The following ECPAS variants were observed in gnomAD, a reference collection of about 807,000 sequenced individuals.
The protein encoded by ECPAS is proteasome adapter and scaffold protein ECM29.
Under a neutral mutation model 255.1 loss-of-function variants are expected in ECPAS, and 70 were observed. That is an observed-to-expected ratio of 0.27 (90% confidence interval 0.23 to 0.33). The LOEUF is 0.33. ECPAS is among the 10% of genes least tolerant of loss of function. ECPAS has a pLI of 1.00. For missense variants in ECPAS, 1,817 were observed against 2,206.4 expected (o/e 0.82, Z 3.54); for synonymous variants, 784 against 775.0 (o/e 1.01, Z -0.19).
Position 111,371,701 on chromosome 9 carries a change from T to C in ECPAS, c.4657A>G (p.Ser1553Gly). 1 of 1,613,916 alleles carries C rather than the reference T, an allele frequency of 6.2e-7. No homozygotes were observed. The highest frequency in any genetic ancestry group is 8.5e-7 in the Non-Finnish European group (1 of 1,179,826). ...CCGAGATATGGAGGTACTAGAGAGC[T>C]AGTCTGTTTTGCAATTGATGCCATG... ...IAMASIAKQTSSLVPPYLGMI... is the reference protein window; with the variant it reads ...IAMASIAKQTGSLVPPYLGMI... Residue 1553 changes from serine (S) to glycine (G), a missense_variant, in exon 43 of 50, where the codon AGC becomes GGC. This residue lies in a region of ECPAS where 960 missense variants were observed against 1,179.0 expected (regional missense o/e 0.81). Coordinates refer to ENST00000684092, the MANE Select transcript of ECPAS (RefSeq NM_001364929.1).
intron 2 of ECPAS, among the ~76,000 whole-genome samples, chr9:111,454,662 GAAGA>G (rs1447712547): frequency 6.6e-6 from 1 of 151,208 alleles, no homozygotes; most frequent in African/African-American, 2.4e-5. Context: ...TCACAAAAAA[GAAGA>G]AAGGTCAACA....
chr9:111,374,168 T>A, intron 38 of ECPAS, 130 bp from the exon 39 acceptor site: 2 of 605,960 alleles, frequency 3.3e-6, no homozygotes, highest in South Asian at 2.6e-5. Context: ...CAGGACTCAA[T>A]ATAGAAAAAG....
chr9:111,365,227 G>T (rs1005292370), intron 48 of ECPAS, among the ~76,000 whole-genome samples: 1 of 151,808 alleles, frequency 6.6e-6, no homozygotes, highest in Admixed American at 6.6e-5. Context: ...CCAAGATCAC[G>T]CCACTGCACT....
intron 2 of ECPAS, among the ~76,000 whole-genome samples, chr9:111,472,177 G>A (rs1431211442): frequency 6.6e-6 from 1 of 152,088 alleles, no homozygotes; most frequent in Admixed American, 6.5e-5. Context: ...GAGCCCAGGA[G>A]ATCAAGGTGG....
At chr9:111,459,388 G>T (rs921583995) in intron 2 of ECPAS, among the ~76,000 whole-genome samples, 4 of 151,938 alleles carry the variant, frequency 2.6e-5, no homozygotes, top group Non-Finnish European at 5.9e-5. Flanking sequence ...ATCATATTTG[G>T]CTAATTTTAC....
At chr9:111,419,493 T>G (rs1029267612) in intron 16 of ECPAS, among the ~76,000 whole-genome samples, 1 of 152,014 alleles carries the variant, frequency 6.6e-6, no homozygotes, top group Non-Finnish European at 1.5e-5. Context: ...TCAAAACCAT[T>G]TAAACATTCT....
intron 26 of ECPAS, 111 bp from the exon 27 acceptor site, chr9:111,393,845 C>A (rs2098163837): frequency 1.2e-6 from 1 of 821,202 alleles, no homozygotes; most frequent in Non-Finnish European, 2.0e-6. Flanking sequence ...AAGCCAGTTA[C>A]AATCGCTGTT....
chr9:111,396,945 T>C, intron 25 of ECPAS, 85 bp downstream of exon 25: 1 of 1,485,554 alleles, frequency 6.7e-7, no homozygotes, highest in South Asian at 1.1e-5. Context: ...ATATGGAATG[T>C]GTAATGTTTT....
At chr9:111,378,181 C>T (rs1022743806) in intron 36 of ECPAS, among the ~76,000 whole-genome samples, 2 of 147,818 alleles carry the variant, frequency 1.4e-5, no homozygotes, top group African/African-American at 5.2e-5. Flanking sequence ...ATAAAAATGA[C>T]CCTGATCAGA....
chr9:111,365,253 G>C (rs1189078419), intron 48 of ECPAS, among the ~76,000 whole-genome samples: 5 of 151,658 alleles, frequency 3.3e-5, no homozygotes, highest in Non-Finnish European at 7.4e-5. Context: ...CTGGGTGACA[G>C]AGCAAGACCC....
chr9:111,433,914 T>C (rs2098233821), intron 7 of ECPAS, among the ~76,000 whole-genome samples: 1 of 152,354 alleles, frequency 6.6e-6, no homozygotes, highest in South Asian at 2.1e-4. Context: ...AGCTACTCAA[T>C]GCAAGTGAAA....
At chr9:111,375,407 AAAAC>A (rs1333663386) in intron 37 of ECPAS, among the ~76,000 whole-genome samples, 1 of 152,216 alleles carries the variant, frequency 6.6e-6, no homozygotes, top group Non-Finnish European at 1.5e-5. Context: ...TTCAACACTA[AAAAC>A]AAACAAAAAA....
intron 24 of ECPAS, among the ~76,000 whole-genome samples, chr9:111,405,319 C>G (rs751578238): frequency 1.3e-5 from 2 of 149,698 alleles, no homozygotes; most frequent in Non-Finnish European, 2.9e-5. Flanking sequence ...GAGGAAGGAA[C>G]AGTCTCTTCA....
intron 7 of ECPAS, among the ~76,000 whole-genome samples, chr9:111,433,732 T>C (rs2098233551): frequency 6.6e-6 from 1 of 152,202 alleles, no homozygotes; most frequent in Admixed American, 6.5e-5. Context: ...ACAGCCTCTC[T>C]AGAGTGATGA....
chr9:111,427,861 A>T (rs1470107483), intron 10 of ECPAS, among the ~76,000 whole-genome samples, 181 bp downstream of exon 10: 2 of 152,158 alleles, frequency 1.3e-5, no homozygotes, highest in Non-Finnish European at 2.9e-5. Flanking sequence ...ACCTATATAT[A>T]TTTTCTGATA....
In ECPAS at chr9:111,436,967, G is replaced by T; in HGVS notation, c.681C>A (p.Asn227Lys). 1 of 1,611,622 alleles carries T rather than the reference G, an allele frequency of 6.2e-7. No homozygotes were observed. The change falls in exon 7 of 50, where the codon AAC (asparagine) becomes AAA (lysine). Residue 227 changes from asparagine (N) to lysine (K), a missense_variant. Around this residue, in one of 4 missense-constraint regions of ECPAS, gnomAD observed 573 missense variants for 716.2 expected, o/e 0.80. Coordinates refer to ENST00000684092, the MANE Select transcript of ECPAS (RefSeq NM_001364929.1). The part of the protein sequence containing the change: ...FYAAKRVIGD[N>K]PWTPEQLEQC... ...GTTCCAATTGTTCAGGTGTCCATGG[G>T]TTATCACCAATAACTCGTTTGGCTG...
intron 2 of ECPAS, among the ~76,000 whole-genome samples, chr9:111,470,746 CCACACACA>C (rs57091815): frequency 3.5e-4 from 43 of 124,582 alleles, no homozygotes; most frequent in Middle Eastern, 3.9e-3. Flanking sequence ...TCTCCTCCCG[CCACACACA>C]CACACACACA....
chr9:111,369,194 G>T (rs773535983), intron 45 of ECPAS, 21 bp from the exon 46 acceptor site: 11 of 1,481,084 alleles, frequency 7.4e-6, no homozygotes, highest in African/African-American at 4.4e-5. Context: ...TCAAAGAAAA[G>T]AAAATGTAAT....
chr9:111,406,903 A>G (rs956593655), intron 24 of ECPAS, among the ~76,000 whole-genome samples: 5 of 148,942 alleles, frequency 3.4e-5, no homozygotes, highest in Admixed American at 6.6e-5. Flanking sequence ...AAAAATAAAA[A>G]CAGTTAAAAG....
Sources: allele counts gnomAD v4.1 joint callset (sites outside exome capture counted in the v4.1 genomes callset), GRCh38; gene constraint gnomAD v4.1.1; regional missense constraint gnomAD v4.1.1; transcripts MANE v1.5; gene names NCBI Gene and HGNC (gene_info 2026-07-23, HGNC 2026-07-21).